Variants in FRMD3 observed in about 807,000 individuals in gnomAD.
The protein encoded by FRMD3 is FERM domain containing 3.
In FRMD3, 33 loss-of-function variants were observed where a neutral mutation model predicts 70.2. The observed-to-expected ratio is 0.47, with a 90% CI of 0.36 to 0.63. The LOEUF is 0.63. FRMD3 is among the 20% of genes least tolerant of loss of function. The probability of loss-of-function intolerance (pLI) is 0.00; values close to 1 mark genes in which losing one functional copy is unlikely to be tolerated. For synonymous variants in FRMD3, 279 were observed against 255.9 expected (o/e 1.09, Z -0.86); for missense variants, 632 against 711.4 (o/e 0.89, Z 1.27).
upstream of FRMD3, among the ~76,000 whole-genome samples, chr9:83,541,060 C>T (rs1013187039): frequency 6.6e-6 from 1 of 152,190 alleles, no homozygotes; most frequent in Non-Finnish European, 1.5e-5. Flanking sequence ...TGTAACGAGG[C>T]TGTTCCTGCT....
Position 83,327,715 on chromosome 9 carries a change from A to G in FRMD3, c.596+7801T>C, listed in dbSNP as rs79870371. ...GCGTTTCCACTCTCCTAAGAAAGAC[A>G]TTCTGGATTTTAATACATTCAGATC... On this transcript the variant is annotated intron_variant, in intron 6 of 13. Coordinates refer to ENST00000304195, the MANE Select transcript of FRMD3 (RefSeq NM_174938.6). Among the ~76,000 whole-genome samples, 595 of 152,310 alleles carry G rather than the reference A, an allele frequency of 3.9e-3. 1 individual carries two copies. The highest frequency in any genetic ancestry group is 6.6e-3 in the Non-Finnish European group (447 of 68,024).
intron 1 of FRMD3, among the ~76,000 whole-genome samples, chr9:83,490,224 G>A (rs1417236234): frequency 6.6e-6 from 1 of 152,152 alleles, no homozygotes; most frequent in Non-Finnish European, 1.5e-5. Flanking sequence ...CCTGGGGATG[G>A]TTGCAATGGA....
chr9:83,448,260 C>T (rs1827539182), intron 1 of FRMD3, among the ~76,000 whole-genome samples: 1 of 152,132 alleles, frequency 6.6e-6, no homozygotes, highest in African/African-American at 2.4e-5. Flanking sequence ...GAGGGGCATA[C>T]CCACCTCTGC....
At chr9:83,567,365 C>T in the FRMD3 span, among the ~76,000 whole-genome samples, 1 of 152,198 alleles carries the variant, frequency 6.6e-6, no homozygotes, top group Non-Finnish European at 1.5e-5. Flanking sequence ...TGGGCCTGTG[C>T]TGGGAGGGAC....
intron 1 of FRMD3, among the ~76,000 whole-genome samples, chr9:83,480,910 T>C (rs902467939): frequency 6.6e-6 from 1 of 152,246 alleles, no homozygotes; most frequent in Non-Finnish European, 1.5e-5. Context: ...CTGCCACAGA[T>C]GCTGAAGGAC....
rs1829910213 is a variant in FRMD3, at chr9:83,537,024, T to C, written c.147+1061A>G. On this transcript the variant is annotated intron_variant, in intron 1 of 13. Transcript: ENST00000304195. The surrounding 1 kb of genome is among the most constrained non-coding windows in gnomAD (Gnocchi z 4.1). ...GAAATCCCAGAGATAAACAGTTAAA[T>C]AGATTTAGAAGTCAGAAGTTAATTG... Among the ~76,000 whole-genome samples, 2 of 147,582 alleles carry C rather than the reference T, an allele frequency of 1.4e-5. No individual in the cohort carries two copies. Among genetic ancestry groups the C allele is most frequent in the Non-Finnish European group, 3.0e-5 (2 of 67,264 alleles).
chr9:83,439,858 C>T (rs527828326), intron 1 of FRMD3, among the ~76,000 whole-genome samples: 97 of 152,040 alleles, frequency 6.4e-4, no homozygotes, highest in Admixed American at 2.6e-3. Flanking sequence ...AAAGATAATG[C>T]TAGCAGTTAT....
At chr9:83,407,642 A>G (rs1826142188) in intron 1 of FRMD3, among the ~76,000 whole-genome samples, 1 of 152,236 alleles carries the variant, frequency 6.6e-6, no homozygotes, top group African/African-American at 2.4e-5. Flanking sequence ...CTGTGTAACA[A>G]GCCACTCTAA....
chr9:83,505,948 C>T (rs1253062251), intron 1 of FRMD3, among the ~76,000 whole-genome samples: 1 of 152,160 alleles, frequency 6.6e-6, no homozygotes, highest in East Asian at 1.9e-4. Context: ...CAATCATCTG[C>T]TAGAGAAATG....
intron 1 of FRMD3, among the ~76,000 whole-genome samples, chr9:83,458,120 A>G (rs1229098196): frequency 6.6e-6 from 1 of 152,132 alleles, no homozygotes; most frequent in African/African-American, 2.4e-5. Flanking sequence ...TGTCTATTAA[A>G]ATGAAAAGAT....
chr9:83,582,879 CAA>C, the FRMD3 span, among the ~76,000 whole-genome samples: 2 of 152,206 alleles, frequency 1.3e-5, no homozygotes, highest in Admixed American at 1.3e-4. Flanking sequence ...GGAAATTTTT[CAA>C]ACAGATCCAG....
chr9:83,348,522 T>C (rs1824037417), intron 4 of FRMD3, among the ~76,000 whole-genome samples: 1 of 152,064 alleles, frequency 6.6e-6, no homozygotes, highest in East Asian at 1.9e-4. Context: ...TTGAGGGTGA[T>C]GAAAACTTCT....
In FRMD3 at chr9:83,538,355, A is replaced by G; in HGVS notation, c.-124T>C. 1 of 900,542 alleles carries G rather than the reference A, an allele frequency of 1.1e-6. No individual in the cohort carries two copies. Among genetic ancestry groups the G allele is most frequent in the Non-Finnish European group, 1.5e-6 (1 of 685,122 alleles). 55.8% of individuals were successfully genotyped at this position (900,542 alleles called of 1,614,324 possible). On this transcript the variant is annotated 5_prime_UTR_variant, in exon 1 of 14. Coordinates refer to ENST00000304195, the MANE Select transcript of FRMD3 (RefSeq NM_174938.6). This position sits in a 1 kb window ranked among gnomAD's most constrained non-coding sequence, Gnocchi z 4.7. Reference sequence around the variant, plus strand: ...CGCGGCTCAGCCCCGGGACATCGGCAGCGTCGGGCGCCTGCGGACACACAT... The same window carrying G: ...CGCGGCTCAGCCCCGGGACATCGGCGGCGTCGGGCGCCTGCGGACACACAT...
In FRMD3 at chr9:83,408,139, T is replaced by C. The variant is rs192244807; in HGVS notation, c.148-18431A>G. Among the ~76,000 whole-genome samples the C allele has an allele frequency of 2.9e-3, 438 of 152,228 alleles. 1 individual carries two copies. The highest frequency in any genetic ancestry group is 5.1e-3 in the Non-Finnish European group (345 of 68,012). On this transcript the variant is annotated intron_variant, in intron 1 of 13. Transcript: ENST00000304195. ...TACAAGTGAGTCACTATGGCCAACC[T>C]GGATTCAAGGGAAAGGGAATTAAAC...
chr9:83,554,424 G>C, the FRMD3 span, among the ~76,000 whole-genome samples: 1 of 152,222 alleles, frequency 6.6e-6, no homozygotes, highest in Admixed American at 6.5e-5. Flanking sequence ...TTGTGGCCAA[G>C]GGTCATTTGC....
At chr9:83,357,249 ATATATAT>A (rs1824408520) in intron 3 of FRMD3, among the ~76,000 whole-genome samples, 43 of 3,462 alleles carry the variant, frequency 0.012, 9 homozygotes, top group African/African-American at 0.053. Flanking sequence ...ATACATACAT[ATATATAT>A]ATATATATAT....
chr9:83,373,006 A>T, intron 2 of FRMD3, 51 bp from the exon 3 acceptor site: 1 of 1,425,594 alleles, frequency 7.0e-7, no homozygotes, highest in Non-Finnish European at 9.9e-7. Context: ...TTGCTGGACC[A>T]TACAACGAAT....
chr9:83,472,419 T>C lies in FRMD3; in HGVS notation c.147+65666A>G, dbSNP rs117546435. Among the ~76,000 whole-genome samples, 32 of 152,278 alleles carry C rather than the reference T, an allele frequency of 2.1e-4. No homozygotes were observed. In the East Asian group the frequency reaches 5.4e-3, roughly 26 times the overall value. On this transcript the variant is annotated intron_variant, in intron 1 of 13. Coordinates refer to ENST00000304195, the MANE Select transcript of FRMD3 (RefSeq NM_174938.6). ...ATCAGGAACAAAGGTTAGTAATACA[T>C]GGGAGTGAGTGGCTCACCCAGTCAC...
chr9:83,573,401 G>T, the FRMD3 span, among the ~76,000 whole-genome samples: 7 of 152,270 alleles, frequency 4.6e-5, no homozygotes, highest in African/African-American at 1.7e-4. Flanking sequence ...TGGCAAACAG[G>T]ATTTTAGTGT....
Sources: allele counts gnomAD v4.1 joint callset (sites outside exome capture counted in the v4.1 genomes callset), GRCh38; gene constraint gnomAD v4.1.1; non-coding constraint Gnocchi (gnomAD v3.1); transcripts MANE v1.5; gene names NCBI Gene and HGNC (gene_info 2026-07-23, HGNC 2026-07-21).